Variants in CTNNA2 observed in about 807,000 individuals in gnomAD.
CTNNA2 encodes the protein catenin alpha-2.
CTNNA2 carries 42 observed loss-of-function variants against 101.0 expected under a neutral mutation model. That is an observed-to-expected ratio of 0.42 (90% CI 0.32 to 0.54). The LOEUF (loss-of-function observed/expected upper bound fraction) is 0.54, where lower values mean the gene tolerates loss of function less well. Ranked by LOEUF, CTNNA2 falls within the 20% of genes least tolerant of loss-of-function variation. The probability of loss-of-function intolerance (pLI) is 0.14; values close to 1 mark genes in which losing one functional copy is unlikely to be tolerated. For synonymous variants in CTNNA2, 450 were observed against 456.4 expected, an observed-to-expected ratio of 0.99 and a Z score of 0.18; for missense variants, 871 against 1,223.1, an observed-to-expected ratio of 0.71 and a Z score of 4.29.
In CTNNA2 at chr2:79,651,641, G is replaced by A. The variant is rs1215126066; in HGVS notation, c.85G>A (p.Glu29Lys). The A allele has an allele frequency of 1.2e-6, 2 of 1,613,710 alleles. No individual in the cohort carries two copies. Among genetic ancestry groups the A allele is most frequent in the East Asian group, 2.2e-5 (1 of 44,866 alleles). The change falls in exon 2 of 19, where the codon GAG (glutamate) becomes AAG (lysine). Residue 29 changes from glutamate to lysine, a missense_variant. Glu to Lys is a moderately conservative substitution (Grantham distance 56, BLOSUM62 1). Transcript: ENST00000402739. ...IRTLTVERLLEPLVTQVTTLV... is the reference protein window; with the variant it reads ...IRTLTVERLLKPLVTQVTTLV... ...GACGCTAACAGTGGAAAGGCTGTTG[G>A]AGCCACTTGTTACACAGGTAAGGGA...
intron 7 of CTNNA2, among the ~76,000 whole-genome samples, chr2:80,040,798 A>T (rs536045802): frequency 6.6e-6 from 1 of 152,284 alleles, no homozygotes; most frequent in African/African-American, 2.4e-5. Flanking sequence ...AAGGTCTTAA[A>T]ATTTAACGTG....
intron 3 of CTNNA2, among the ~76,000 whole-genome samples, chr2:79,747,834 A>G (rs1300235586): frequency 6.6e-6 from 1 of 152,196 alleles, no homozygotes; most frequent in Non-Finnish European, 1.5e-5. Flanking sequence ...AAACAATTCT[A>G]TATCAGAAAT....
At chr2:79,651,783 A>T in intron 2 of CTNNA2, 125 bp downstream of exon 2, 2 of 777,104 alleles carry the variant, frequency 2.6e-6, no homozygotes, top group Non-Finnish European at 4.2e-6. Context: ...ATTACTGAAT[A>T]TATATTACTG....
rs574877757 is a variant in CTNNA2, at chr2:79,338,198, A to G, written c.-318+25402A>G. On this transcript the variant is annotated intron_variant, in intron 3 of 21. Coordinates refer to the CTNNA2 transcript ENST00000466387. ...GAGACGGAGGTTGCAGTGAGCCAAG[A>G]TCGTGCCACTGCACTCCAGCCTGGG... Among the ~76,000 whole-genome samples, 5 of 143,866 alleles carry G rather than the reference A, an allele frequency of 3.5e-5. No individual in the cohort carries two copies. In the East Asian group the frequency reaches 1.1e-3, roughly 31 times the overall value. The allele number at this position is 143,866 out of a possible 152,430, so 94.4% of individuals were successfully genotyped here. A position where few individuals can be genotyped will look rare whatever the true frequency, so the allele number is the denominator to read the frequency against.
chr2:80,098,106 T>C (rs951446385), intron 7 of CTNNA2, among the ~76,000 whole-genome samples: 16 of 152,284 alleles, frequency 1.1e-4, no homozygotes, highest in Admixed American at 9.8e-4. Flanking sequence ...TTCCAGTTTT[T>C]CTGCTCTGTT....
At chr2:79,514,960 T>C (rs1168571224) in intron 1 of CTNNA2, among the ~76,000 whole-genome samples, 1 of 152,192 alleles carries the variant, frequency 6.6e-6, no homozygotes. Context: ...TATGGGAGTG[T>C]AAAGCAGGAG....
intron 7 of CTNNA2, among the ~76,000 whole-genome samples, chr2:80,021,161 A>T (rs1694535306): frequency 6.6e-6 from 1 of 151,852 alleles, no homozygotes; most frequent in Admixed American, 6.6e-5. Flanking sequence ...CTGGGACTAC[A>T]GGCACATGCC....
At chr2:79,867,597 A>G (rs1173366803) in intron 4 of CTNNA2, among the ~76,000 whole-genome samples, 3 of 152,188 alleles carry the variant, frequency 2.0e-5, no homozygotes, top group African/African-American at 7.2e-5. Flanking sequence ...TTACACGGAA[A>G]GACCCCATTC....
chr2:80,360,590 A>G (rs11126761), intron 7 of CTNNA2, among the ~76,000 whole-genome samples: 20,118 of 152,016 alleles, frequency 0.13, 2,679 homozygotes, highest in African/African-American at 0.34. Flanking sequence ...GGATCTAGCA[A>G]TTGTTTTATT....
intron 9 of CTNNA2, among the ~76,000 whole-genome samples, chr2:80,538,076 TG>T (rs201028002): frequency 0.023 from 3,474 of 152,290 alleles, 140 homozygotes; most frequent in African/African-American, 0.078. Context: ...TTGATAGGGT[TG>T]TTTTTTTCTT....
chr2:79,873,530 AG>A (rs1485035374), intron 5 of CTNNA2, among the ~76,000 whole-genome samples: 2 of 152,144 alleles, frequency 1.3e-5, no homozygotes. Context: ...AGTTGGGTGG[AG>A]GATGTGCCAA....
intron 7 of CTNNA2, among the ~76,000 whole-genome samples, chr2:80,262,262 A>C (rs1397010085): frequency 6.6e-6 from 1 of 152,092 alleles, no homozygotes; most frequent in Non-Finnish European, 1.5e-5. Flanking sequence ...TATAATAACT[A>C]TAAAGTAAAT....
At chr2:80,432,940 G>A (rs1000534772) in intron 9 of CTNNA2, among the ~76,000 whole-genome samples, 1 of 152,096 alleles carries the variant, frequency 6.6e-6, no homozygotes, top group African/African-American at 2.4e-5. Flanking sequence ...CAGCTTTTCT[G>A]TAAAATGTCA....
intron 7 of CTNNA2, among the ~76,000 whole-genome samples, chr2:79,966,375 A>G (rs1690061018): frequency 6.6e-6 from 1 of 152,102 alleles, no homozygotes; most frequent in African/African-American, 2.4e-5. Flanking sequence ...AGCTGGGACC[A>G]CAGGCCCCCT....
At chr2:80,022,743 G>A (rs1694657784) in intron 7 of CTNNA2, among the ~76,000 whole-genome samples, 1 of 152,150 alleles carries the variant, frequency 6.6e-6, no homozygotes, top group Non-Finnish European at 1.5e-5. Flanking sequence ...AAAGAACAGT[G>A]CAACTGGAAT....
intron 2 of CTNNA2, among the ~76,000 whole-genome samples, chr2:79,690,128 A>G (rs1245531560): frequency 6.6e-6 from 1 of 152,006 alleles, no homozygotes; most frequent in Non-Finnish European, 1.5e-5. Context: ...AACTGCATGT[A>G]TTAGTACTTA....
chr2:80,199,182 GAAAAAAAAAA>G (rs70940076), intron 7 of CTNNA2, among the ~76,000 whole-genome samples: 8 of 40,058 alleles, frequency 2.0e-4, no homozygotes, highest in East Asian at 1.1e-3. Flanking sequence ...CTCCATCTCA[GAAAAAAAAAA>G]AAAAAAAAAA....
chr2:79,256,892 A>G (rs950401788), intron 2 of CTNNA2, among the ~76,000 whole-genome samples: 4 of 152,228 alleles, frequency 2.6e-5, no homozygotes, highest in Non-Finnish European at 5.9e-5. Flanking sequence ...TGGCTGGCAC[A>G]AAGAGTGTGC....
At chr2:79,412,292 A>C (rs1321298161) in intron 4 of CTNNA2, among the ~76,000 whole-genome samples, 1 of 152,102 alleles carries the variant, frequency 6.6e-6, no homozygotes, top group Non-Finnish European at 1.5e-5. Flanking sequence ...ACATAATAAT[A>C]ATGGGAGACT....
Sources: gnomAD v4.1 joint callset for allele counts (sites outside exome capture counted in the v4.1 genomes callset) on GRCh38, gnomAD v4.1.1 for gene constraint, MANE v1.5 for transcripts, NCBI Gene and HGNC (gene_info 2026-07-23, HGNC 2026-07-21) for gene names.